APOLD1: variants seen among roughly 807,000 people sequenced by gnomAD.
APOLD1 encodes apolipoprotein L domain containing 1, also known as apolipoprotein L domain-containing protein 1.
Under a neutral mutation model 15.3 loss-of-function variants are expected in APOLD1, and 22 were observed. The ratio of observed to expected loss-of-function variants is 1.44; its 90% CI spans 1.03 to 2.05. APOLD1 has a LOEUF of 2.05. APOLD1 is among the 30% of genes most tolerant of loss of function. The probability of loss-of-function intolerance (pLI) is 0.00; values close to 1 mark genes in which losing one functional copy is unlikely to be tolerated. For missense variants in APOLD1, 394 were observed against 353.5 expected (o/e 1.11, Z -0.92); for synonymous variants, 190 against 167.4 (o/e 1.13, Z -1.04).
At chr12:12,751,845 C>T (rs1009591510) in intron 1 of APOLD1, among the ~76,000 whole-genome samples, 1 of 152,102 alleles carries the variant, frequency 6.6e-6, no homozygotes, top group Non-Finnish European at 1.5e-5. Context: ...CCATTGATCT[C>T]TATAAGAAGG....
At position 12,787,120 on chromosome 12, in the gene APOLD1, T is replaced by C; in HGVS notation, c.215T>C (p.Val72Ala). ...GCAACGGGCGCCCTCGCCGCCATCG[T>C]GGGGCTCTCGCTCAGCCCGGTCACC... ...LSATGALAAI[V>A]GLSLSPVTLG... is the part of the protein sequence containing the mutation. The change falls in exon 2 of 2, where the codon GTG becomes GCG. Residue 72 changes from valine to alanine, a missense_variant. Coordinates refer to ENST00000356591, the MANE Select transcript of APOLD1 (RefSeq NM_030817.3). The surrounding 1 kb of genome is among the most constrained non-coding windows in gnomAD (Gnocchi z 4.9). 6.9e-7 allele frequency: 1 copy of C among 1,444,672 alleles called. No homozygotes were observed. Among genetic ancestry groups the C allele is most frequent in the Non-Finnish European group, 9.0e-7 (1 of 1,109,970 alleles). 89.5% of individuals were successfully genotyped at this position (1,444,672 alleles called of 1,614,324 possible). A position where few individuals can be genotyped will look rare whatever the true frequency, so the allele number is the denominator to read the frequency against.
At chr12:12,750,245 G>C (rs1420185455) in intron 1 of APOLD1, among the ~76,000 whole-genome samples, 3 of 151,996 alleles carry the variant, frequency 2.0e-5, no homozygotes, top group African/African-American at 4.8e-5. Context: ...GGTGGCACAT[G>C]GCAGTAATCC....
intron 1 of APOLD1, among the ~76,000 whole-genome samples, chr12:12,758,399 C>A (rs561670388): frequency 1.1e-4 from 16 of 151,908 alleles, no homozygotes; most frequent in African/African-American, 3.9e-4. Context: ...ACAAAAATTA[C>A]CTGGGCCTGG....
At chr12:12,786,700 T>C in intron 1 of APOLD1, 1 of 985,262 alleles carries the variant, frequency 1.0e-6, no homozygotes, top group Non-Finnish European at 1.2e-6. Flanking sequence ...AGAGATAAGG[T>C]CCTGAGAACT....
At chr12:12,738,397 G>C (rs867142457) in intron 1 of APOLD1, among the ~76,000 whole-genome samples, 1 of 151,606 alleles carries the variant, frequency 6.6e-6, no homozygotes, top group South Asian at 2.1e-4. Flanking sequence ...TTAGAGATGG[G>C]GTCTCACTAT....
At chr12:12,756,673 C>T (rs1348409077) in intron 1 of APOLD1, among the ~76,000 whole-genome samples, 4 of 152,222 alleles carry the variant, frequency 2.6e-5, no homozygotes, top group Non-Finnish European at 4.4e-5. Flanking sequence ...GGTTCCTATT[C>T]TCTTCTCCCC....
rs1281187928 is a variant in APOLD1 at position 12,790,937 on chromosome 12, G to A, written c.*3285G>A. 2 of 152,198 alleles carry A rather than the reference G, an allele frequency of 1.3e-5. No homozygotes were observed. Among genetic ancestry groups the A allele is most frequent in the Non-Finnish European group, 2.9e-5 (2 of 68,032 alleles). The allele number at this position is 152,198 out of a possible 1,614,324, so 9.4% of individuals were successfully genotyped here. On this transcript the variant is annotated 3_prime_UTR_variant, in exon 2 of 2. Transcript: ENST00000356591. ...TTGTAAAAGAGAAGACGGGAGAGAG[G>A]TATTTAGATGATAAGTGTACTTCAC...
Position 12,787,074 on chromosome 12 carries a change from G to T in APOLD1, c.169G>T (p.Val57Leu), listed in dbSNP as rs570198112. 1 of 1,393,324 alleles carries T rather than the reference G, an allele frequency of 7.2e-7. No homozygotes were observed. The highest frequency in any genetic ancestry group is 9.2e-7 in the Non-Finnish European group (1 of 1,084,180). 86.3% of individuals were successfully genotyped at this position (1,393,324 alleles called of 1,614,324 possible). A position where few individuals can be genotyped will look rare whatever the true frequency, so the allele number is the denominator to read the frequency against. Reference sequence around the variant, plus strand: ...GCGCAGGCGCTCCCTCGTAGCCAACGTGGCCGGCAGCTCGCTGAGCGCAAC... The same window carrying T: ...GCGCAGGCGCTCCCTCGTAGCCAACTTGGCCGGCAGCTCGCTGAGCGCAAC... ...RLRRRSLVANVAGSSLSATGA... is the reference protein window; with the variant it reads ...RLRRRSLVANLAGSSLSATGA... The change falls in exon 2 of 2, where the codon GTG becomes TTG. Residue 57 changes from valine to leucine, a missense_variant. Coordinates refer to ENST00000356591, the MANE Select transcript of APOLD1 (RefSeq NM_030817.3). This position sits in a 1 kb window ranked among gnomAD's most constrained non-coding sequence, Gnocchi z 4.9.
At chr12:12,736,370 C>A (rs199548354) in intron 1 of APOLD1, among the ~76,000 whole-genome samples, 7,123 of 68,282 alleles carry the variant, frequency 0.1, 603 homozygotes, top group African/African-American at 0.31. Context: ...CAAAACAAAA[C>A]AAAAAAACTA....
At chr12:12,740,115 G>A (rs1223340512) in intron 1 of APOLD1, among the ~76,000 whole-genome samples, 1 of 151,968 alleles carries the variant, frequency 6.6e-6, no homozygotes, top group Non-Finnish European at 1.5e-5. Context: ...CTGAGTAGTT[G>A]GGACTACAGG....
Position 12,747,513 on chromosome 12 carries a change from G to A in APOLD1, c.96+21417G>A, listed in dbSNP as rs748621173. On this transcript the variant is annotated intron_variant, in intron 1 of 1. Transcript: ENST00000326765. ...GTAGGGGCAGGCTGACACTCTGGTC[G>A]CCAGGGAGGCAAGTCTACTTTGGAC... 3.9e-5 allele frequency among the ~76,000 whole-genome samples: 6 copies of A among 152,174 alleles called. No homozygotes were observed. The East Asian group carries it at 7.7e-4, about 20-fold the overall frequency.
At chr12:12,764,738 C>T (rs755075172) in intron 1 of APOLD1, 5 of 494,512 alleles carry the variant, frequency 1.0e-5, no homozygotes, top group Non-Finnish European at 2.1e-5. Flanking sequence ...CACTCATACA[C>T]CTTTATGTGC....
At chr12:12,785,572 G>A (rs920495615), upstream of APOLD1, 5 of 1,596,478 alleles carry the variant, frequency 3.1e-6, no homozygotes, top group African/African-American at 1.3e-5. Context: ...GACAGGAAAT[G>A]GCAAATTCTC....
intron 1 of APOLD1, among the ~76,000 whole-genome samples, chr12:12,727,148 GC>G (rs1253614542): frequency 1.3e-5 from 2 of 152,186 alleles, no homozygotes; most frequent in African/African-American, 4.8e-5. Context: ...TTGCTCATTA[GC>G]ATCTTGTAGA....
chr12:12,753,967 C>T (rs982487500), intron 1 of APOLD1, among the ~76,000 whole-genome samples: 6 of 151,598 alleles, frequency 4.0e-5, no homozygotes, highest in East Asian at 1.9e-4. Flanking sequence ...GTAATCCCAG[C>T]GCTTTGGAAG....
At chr12:12,730,077 TGAGAGAGA>T (rs146075502) in intron 1 of APOLD1, among the ~76,000 whole-genome samples, 14 of 81,606 alleles carry the variant, frequency 1.7e-4, no homozygotes, top group Middle Eastern at 6.4e-3. Flanking sequence ...TGTGTGTGTG[TGAGAGAGA>T]GAGAGAGAGA....
At chr12:12,767,590 G>A (rs549378266) in intron 1 of APOLD1, among the ~76,000 whole-genome samples, 6 of 152,228 alleles carry the variant, frequency 3.9e-5, no homozygotes, top group Middle Eastern at 3.4e-3. Context: ...GAACCCGGGA[G>A]GCGGAGGTTG....
intron 1 of APOLD1, among the ~76,000 whole-genome samples, chr12:12,729,139 TC>T (rs58905118): frequency 6.6e-6 from 1 of 152,064 alleles, no homozygotes; most frequent in Non-Finnish European, 1.5e-5. Context: ...CTCCTTTTTT[TC>T]CCCCAGAATG....
At chr12:12,733,206 G>C (rs113654741) in intron 1 of APOLD1, among the ~76,000 whole-genome samples, 8 of 151,870 alleles carry the variant, frequency 5.3e-5, no homozygotes, top group African/African-American at 1.2e-4. Flanking sequence ...CAGGCCTGTA[G>C]TCACAGCTAC....
Sources: gnomAD v4.1 joint callset for allele counts (sites outside exome capture counted in the v4.1 genomes callset) on GRCh38, gnomAD v4.1.1 for gene constraint, Gnocchi (gnomAD v3.1) non-coding constraint, MANE v1.5 for transcripts, NCBI Gene and HGNC (gene_info 2026-07-23, HGNC 2026-07-21) for gene names.